Variants in CALN1 observed in about 807,000 individuals in gnomAD.
CALN1 encodes the protein calcium-binding protein 8.
Under a neutral mutation model 30.6 loss-of-function variants are expected in CALN1, and 17 were observed. The ratio of observed to expected loss-of-function variants is 0.56; its 90% confidence interval spans 0.38 to 0.83. The LOEUF is 0.83. Ranked by LOEUF, CALN1 falls within the 40% of genes least tolerant of loss-of-function variation. The pLI is 0.00. For synonymous variants in CALN1, 156 were observed against 131.4 expected (o/e 1.19, Z -1.28); for missense variants, 291 against 354.9 (o/e 0.82, Z 1.45).
At chr7:71,962,939 T>C (rs1797322451) in intron 5 of CALN1, among the ~76,000 whole-genome samples, 1 of 152,158 alleles carries the variant, frequency 6.6e-6, no homozygotes, top group South Asian at 2.1e-4. Context: ...CTAGTAACCT[T>C]GAAAGATTCA....
At chr7:72,365,633 T>C (rs903517380) in intron 2 of CALN1, among the ~76,000 whole-genome samples, 8 of 152,078 alleles carry the variant, frequency 5.3e-5, no homozygotes, top group Non-Finnish European at 7.4e-5. Context: ...GGTCTTGCTA[T>C]GTTGCCCAGG....
At chr7:72,487,020 T>C in the CALN1 span, among the ~76,000 whole-genome samples, 6 of 152,212 alleles carry the variant, frequency 3.9e-5, no homozygotes, top group African/African-American at 1.4e-4. Context: ...TCATGCTTTA[T>C]AATCATCGTC....
intron 3 of CALN1, among the ~76,000 whole-genome samples, chr7:72,137,911 G>C (rs1809622999): frequency 6.6e-6 from 1 of 152,180 alleles, no homozygotes; most frequent in Admixed American, 6.5e-5. Context: ...GAATGATACG[G>C]AAATGTGCTC....
At chr7:71,810,616 G>A in intron 5 of CALN1, 124 bp from the exon 6 acceptor site, 1 of 897,828 alleles carries the variant, frequency 1.1e-6, no homozygotes, top group Non-Finnish European at 1.7e-6. Context: ...AGGATATCAG[G>A]TGAACAGTTT....
At chr7:71,997,635 T>G (rs1346952190) in intron 5 of CALN1, among the ~76,000 whole-genome samples, 5 of 152,080 alleles carry the variant, frequency 3.3e-5, no homozygotes, top group African/African-American at 1.2e-4. Context: ...CAATTGAACT[T>G]CTGATGATAA....
intron 5 of CALN1, among the ~76,000 whole-genome samples, chr7:71,831,882 AAAAAAAAAAAAAAAAC>A (rs1789300628): frequency 6.7e-6 from 1 of 149,436 alleles, no homozygotes; most frequent in East Asian, 2.0e-4. Flanking sequence ...AAAAAAAAAA[AAAAAAAAAAAAAAAAC>A]AAACCAAAAA....
At chr7:72,400,630 G>A (rs1806278101) in intron 2 of CALN1, among the ~76,000 whole-genome samples, 1 of 152,184 alleles carries the variant, frequency 6.6e-6, no homozygotes, top group South Asian at 2.1e-4. Context: ...AGCACTTTGG[G>A]AGGCCAAGGC....
intron 4 of CALN1, among the ~76,000 whole-genome samples, chr7:72,034,580 C>G (rs576641008): frequency 1.3e-5 from 2 of 151,492 alleles, no homozygotes; most frequent in South Asian, 2.1e-4. Flanking sequence ...TCACTTGAGG[C>G]TAGGAGATCG....
intron 3 of CALN1, among the ~76,000 whole-genome samples, chr7:72,271,119 G>C (rs551121585): frequency 6.6e-6 from 1 of 152,346 alleles, no homozygotes; most frequent in South Asian, 2.1e-4. Flanking sequence ...TCCCAGAGGA[G>C]AGGCAGTTTT....
intron 3 of CALN1, among the ~76,000 whole-genome samples, chr7:72,125,469 A>G (rs772030100): frequency 6.6e-6 from 1 of 152,214 alleles, no homozygotes; most frequent in Non-Finnish European, 1.5e-5. Flanking sequence ...AAGACAGACG[A>G]TGGGCACTTT....
chr7:71,972,423 T>C (rs1204596278), intron 5 of CALN1, among the ~76,000 whole-genome samples: 1 of 152,230 alleles, frequency 6.6e-6, no homozygotes, highest in African/African-American at 2.4e-5. Flanking sequence ...TTTTTTGTTT[T>C]AGTTTATATC....
At chr7:72,150,757 A>C (rs533122130) in intron 3 of CALN1, among the ~76,000 whole-genome samples, 3 of 152,194 alleles carry the variant, frequency 2.0e-5, no homozygotes, top group Non-Finnish European at 4.4e-5. Flanking sequence ...TTCATTTGTA[A>C]AATGGGAATG....
intron 6 of CALN1, among the ~76,000 whole-genome samples, chr7:71,789,234 T>G (rs1793172432): frequency 6.6e-6 from 1 of 152,052 alleles, no homozygotes; most frequent in African/African-American, 2.4e-5. Context: ...CTGGCCGACA[T>G]GGTGAAACCC....
intron 5 of CALN1, among the ~76,000 whole-genome samples, chr7:71,869,314 G>A (rs1264899746): frequency 1.3e-5 from 2 of 152,032 alleles, no homozygotes; most frequent in South Asian, 2.1e-4. Flanking sequence ...AGGTTCAAGG[G>A]ATTCTCCTGC....
At chr7:72,250,695 A>G (rs1483446261) in intron 3 of CALN1, among the ~76,000 whole-genome samples, 1 of 151,934 alleles carries the variant, frequency 6.6e-6, no homozygotes, top group Non-Finnish European at 1.5e-5. Context: ...GGTTGTTTAA[A>G]AGAGGCTGGC....
chr7:72,194,204 T>C (rs1790825819), intron 3 of CALN1, among the ~76,000 whole-genome samples: 1 of 152,250 alleles, frequency 6.6e-6, no homozygotes, highest in Non-Finnish European at 1.5e-5. Context: ...ATGGCATCTC[T>C]TTGACTGGGT....
chr7:71,983,684 A>G (rs1798518063), intron 5 of CALN1, among the ~76,000 whole-genome samples: 1 of 152,056 alleles, frequency 6.6e-6, no homozygotes, highest in South Asian at 2.1e-4. Flanking sequence ...GGTGCCCGCT[A>G]CCATGCCTGG....
At chr7:71,976,155 G>A (rs545634938) in intron 5 of CALN1, among the ~76,000 whole-genome samples, 4 of 151,954 alleles carry the variant, frequency 2.6e-5, no homozygotes, top group African/African-American at 9.6e-5. Context: ...CAATGATTTC[G>A]GTCAAGAACC....
chr7:71,942,530 G>T, intron 5 of CALN1: 1 of 156,532 alleles, frequency 6.4e-6, no homozygotes, highest in Non-Finnish European at 1.5e-5. Context: ...GGAATGGTGT[G>T]CCACGATCTG....
Sources: gnomAD v4.1 joint callset for allele counts (sites outside exome capture counted in the v4.1 genomes callset) on GRCh38, gnomAD v4.1.1 for gene constraint, MANE v1.5 for transcripts, NCBI Gene and HGNC (gene_info 2026-07-23, HGNC 2026-07-21) for gene names.